TNFRSF1B: variants seen among roughly 807,000 people sequenced by gnomAD.
TNFRSF1B encodes the protein tumor necrosis factor receptor superfamily member 1B.
Under a neutral mutation model 44.6 loss-of-function variants are expected in TNFRSF1B, and 19 were observed. That is an observed-to-expected ratio of 0.43 (90% CI 0.30 to 0.62). The LOEUF (loss-of-function observed/expected upper bound fraction) is 0.62, where lower values mean the gene tolerates loss of function less well. Among genes scored for constraint, TNFRSF1B ranks in the 20% least tolerant of loss-of-function variants. TNFRSF1B has a pLI of 0.16. For synonymous variants in TNFRSF1B, 252 were observed against 261.1 expected (o/e 0.97, Z 0.34); for missense variants, 541 against 619.9 (o/e 0.87, Z 1.35).
At chr1:12,179,056 C>G (rs1055963036) in intron 1 of TNFRSF1B, among the ~76,000 whole-genome samples, 6 of 152,022 alleles carry the variant, frequency 3.9e-5, no homozygotes, top group African/African-American at 1.5e-4. Flanking sequence ...GGGCGTCTCT[C>G]ATTAGACTCA....
At position 12,183,556 on chromosome 1, in the gene TNFRSF1B, CTATT is replaced by C. The variant is rs1416464417; in HGVS notation, c.79-5236_79-5233del. On this transcript the variant is annotated intron_variant, in intron 1 of 9. Transcript: ENST00000376259. The stretch of plus-strand genomic sequence containing the variant: ...ATCTACTTTCTATTATCTCTATCAT[CTATT>C]TATCTAATCTATCATCTATCTAGCT... Among the ~76,000 whole-genome samples, 3 of 151,712 alleles carry C rather than the reference CTATT, an allele frequency of 2.0e-5. No individual in the cohort carries two copies. In the East Asian group the frequency reaches 5.8e-4, roughly 29 times the overall value.
At chr1:12,193,318 A>G in intron 6 of TNFRSF1B, 1 of 683,672 alleles carries the variant, frequency 1.5e-6, no homozygotes, top group Non-Finnish European at 2.7e-6. Context: ...CAAGCCTGTA[A>G]TCCCAGTGCT....
intron 1 of TNFRSF1B, among the ~76,000 whole-genome samples, chr1:12,170,811 C>A (rs1376186469): frequency 6.6e-6 from 1 of 151,658 alleles, no homozygotes; most frequent in Non-Finnish European, 1.5e-5. Flanking sequence ...GGACTACAGG[C>A]ATGCACCACC....
intron 1 of TNFRSF1B, among the ~76,000 whole-genome samples, chr1:12,174,162 TTC>T (rs1301672055): frequency 1.5e-5 from 1 of 67,656 alleles, no homozygotes; most frequent in African/African-American, 6.0e-5. Flanking sequence ...CTTCTTCTTC[TTC>T]TCCTTCTCCT....
rs575457978 is a variant in TNFRSF1B, at chr1:12,207,087, G to A, written c.*67G>A. On this transcript the variant is annotated 3_prime_UTR_variant, in exon 10 of 10. Coordinates refer to ENST00000376259, the MANE Select transcript of TNFRSF1B (RefSeq NM_001066.3). ...CCCTGGCAGGATGACCCTGCGAAGG[G>A]GCCCTGGTCCTTCCAGGCCCCCACC... The A allele has an allele frequency of 6.7e-6, 10 of 1,483,944 alleles. No individual in the cohort carries two copies. The highest frequency in any genetic ancestry group is 2.8e-5 in the African/African-American group (2 of 71,218). 91.9% of individuals were successfully genotyped at this position (1,483,944 alleles called of 1,614,324 possible).
rs551208069 is a variant in TNFRSF1B at position 12,187,003 on chromosome 1, G to A, written c.79-1793G>A. Among the ~76,000 whole-genome samples, 28 of 152,230 alleles carry A rather than the reference G, an allele frequency of 1.8e-4. No homozygotes were observed. Among genetic ancestry groups the A allele is most frequent in the African/African-American group, 6.3e-4 (26 of 41,538 alleles). On this transcript the variant is annotated intron_variant, in intron 1 of 9. Transcript: ENST00000376259. This position sits in a 1 kb window ranked among gnomAD's most constrained non-coding sequence, Gnocchi z 5.5. ...GGGCAGGACTCAGGGGCTTGCTCCC[G>A]GGGGTCCTGGGAAGGCACAATGGTG... is the stretch of plus-strand genomic sequence containing the variant.
At chr1:12,173,942 C>T (rs746300637) in intron 1 of TNFRSF1B, among the ~76,000 whole-genome samples, 11 of 152,168 alleles carry the variant, frequency 7.2e-5, no homozygotes, top group Non-Finnish European at 4.4e-5. Context: ...AGTGTCTGTT[C>T]GCTGATGGGG....
At chr1:12,183,687 T>TCTATCTATCTATCTATCTATTCTATCTAC (rs1638877400) in intron 1 of TNFRSF1B, among the ~76,000 whole-genome samples, 1 of 127,140 alleles carries the variant, frequency 7.9e-6, no homozygotes, top group Non-Finnish European at 1.8e-5. Context: ...TATCTATCTA[T>TCTATCTATCTATCTATCTATTCTATCTAC]CTATCTATCT....
At chr1:12,176,705 T>A (rs112267482) in intron 1 of TNFRSF1B, among the ~76,000 whole-genome samples, 28 of 152,208 alleles carry the variant, frequency 1.8e-4, no homozygotes, top group Admixed American at 3.9e-4. Flanking sequence ...AGGGCAAAGA[T>A]CACTGTGGCC....
intron 9 of TNFRSF1B, among the ~76,000 whole-genome samples, 196 bp downstream of exon 9, chr1:12,202,367 C>T (rs949360717): frequency 6.6e-6 from 1 of 152,214 alleles, no homozygotes; most frequent in Non-Finnish European, 1.5e-5. Flanking sequence ...TCAAAATCCT[C>T]CCTTCTGTGG....
In TNFRSF1B at chr1:12,168,153, C is replaced by G. The variant is rs553539764; in HGVS notation, c.78+984C>G. Among the ~76,000 whole-genome samples the G allele has an allele frequency of 6.6e-6, 1 of 152,252 alleles. No homozygotes were observed. The highest frequency in any genetic ancestry group is 2.4e-5 in the African/African-American group (1 of 41,470). Reference sequence around the variant, plus strand: ...CTCCAAAGGGGGCCTCTCCTGCCTTCGGCCCCTGTGCCCTGAGGCTGCGGG... The same window carrying G: ...CTCCAAAGGGGGCCTCTCCTGCCTTGGGCCCCTGTGCCCTGAGGCTGCGGG... On this transcript the variant is annotated intron_variant, in intron 1 of 9. Transcript: ENST00000376259. This position sits in a 1 kb window ranked among gnomAD's most constrained non-coding sequence, Gnocchi z 4.7.
intron 1 of TNFRSF1B, among the ~76,000 whole-genome samples, chr1:12,183,676 CTATCTAT>C (rs1638874027): frequency 3.9e-5 from 5 of 127,080 alleles, no homozygotes; most frequent in African/African-American, 1.4e-4. Context: ...ATCTATCTAT[CTATCTAT>C]CTATCTATCT....
At chr1:12,174,809 A>T (rs1638615195) in intron 1 of TNFRSF1B, among the ~76,000 whole-genome samples, 1 of 152,242 alleles carries the variant, frequency 6.6e-6, no homozygotes, top group East Asian at 1.9e-4. Context: ...CGAGGGCTGC[A>T]GGCTGAATCT....
rs553765723 is a variant in TNFRSF1B at position 12,180,864 on chromosome 1, C to T, written c.79-7932C>T. On this transcript the variant is annotated intron_variant, in intron 1 of 9. Transcript: ENST00000376259. The surrounding 1 kb of genome is among the most constrained non-coding windows in gnomAD (Gnocchi z 4.3). Reference sequence around the variant, plus strand: ...CTCTGGCTGGGCTGCTCACAGACCCCGGCCCCTGGGTTTTGTCCACTCACC... The same window carrying T: ...CTCTGGCTGGGCTGCTCACAGACCCTGGCCCCTGGGTTTTGTCCACTCACC... 4.6e-5 allele frequency among the ~76,000 whole-genome samples: 7 copies of T among 152,196 alleles called. No homozygotes were observed. The highest frequency in any genetic ancestry group is 6.5e-5 in the Admixed American group (1 of 15,286).
chr1:12,178,469 C>G lies in TNFRSF1B; in HGVS notation c.79-10327C>G, dbSNP rs369033430. Among the ~76,000 whole-genome samples the G allele has an allele frequency of 1.3e-5, 2 of 152,186 alleles. No individual in the cohort carries two copies. Among genetic ancestry groups the G allele is most frequent in the African/African-American group, 4.8e-5 (2 of 41,442 alleles). On this transcript the variant is annotated intron_variant, in intron 1 of 9. Transcript: ENST00000376259. This position sits in a 1 kb window ranked among gnomAD's most constrained non-coding sequence, Gnocchi z 4.3. ...ATGGCAGAACTGGGATCAAAGCCCA[C>G]GTGTCTGTGTCTGGCTCAGCGCCCA... is the stretch of plus-strand genomic sequence containing the variant.
At chr1:12,170,370 A>G (rs369891123) in intron 1 of TNFRSF1B, among the ~76,000 whole-genome samples, 1 of 152,168 alleles carries the variant, frequency 6.6e-6, no homozygotes, top group African/African-American at 2.4e-5. Flanking sequence ...TAGTAAGCCT[A>G]TGTTCTCATC....
chr1:12,203,257 A>G (rs1639429737), intron 9 of TNFRSF1B, among the ~76,000 whole-genome samples: 1 of 152,268 alleles, frequency 6.6e-6, no homozygotes, highest in African/African-American at 2.4e-5. Flanking sequence ...GAGGTGAGCT[A>G]TAGCGCCTCC....
At chr1:12,196,560 G>T (rs1462595982) in intron 8 of TNFRSF1B, among the ~76,000 whole-genome samples, 1 of 152,166 alleles carries the variant, frequency 6.6e-6, no homozygotes, top group African/African-American at 2.4e-5. Context: ...CCAGGTGTTT[G>T]GAATCAGATA....
intron 2 of TNFRSF1B, among the ~76,000 whole-genome samples, chr1:12,190,458 C>CAA (rs4044499): frequency 0.014 from 834 of 61,074 alleles, 44 homozygotes; most frequent in African/African-American, 0.042. Flanking sequence ...GATTCTGTCT[C>CAA]AAAAAAAAAA....
Sources: gnomAD v4.1 joint callset for allele counts (sites outside exome capture counted in the v4.1 genomes callset) on GRCh38, gnomAD v4.1.1 for gene constraint, Gnocchi (gnomAD v3.1) non-coding constraint, MANE v1.5 for transcripts, NCBI Gene and HGNC (gene_info 2026-07-23, HGNC 2026-07-21) for gene names.